Variants in SLC9C1 observed in about 807,000 individuals in gnomAD.
SLC9C1 encodes the protein solute carrier family 9 member C1.
In SLC9C1, 97 loss-of-function variants were observed where a neutral mutation model predicts 140.9. That is an observed-to-expected ratio of 0.69 (90% confidence interval 0.58 to 0.82). The LOEUF (loss-of-function observed/expected upper bound fraction) is 0.82. Ranked by LOEUF, SLC9C1 falls within the 40% of genes least tolerant of loss-of-function variation. The probability of loss-of-function intolerance (pLI) is 0.00; values close to 1 mark genes in which losing one functional copy is unlikely to be tolerated. For synonymous variants in SLC9C1, 440 were observed against 442.6 expected (o/e 0.99, Z 0.07); for missense variants, 1,340 against 1,389.3 (o/e 0.96, Z 0.56).
chr3:112,256,269 A>G (rs2079603457), intron 10 of SLC9C1, among the ~76,000 whole-genome samples: 1 of 152,126 alleles, frequency 6.6e-6, no homozygotes, highest in African/African-American at 2.4e-5. Flanking sequence ...GCAGAGAAAC[A>G]ACAAAAAAGA....
chr3:112,286,172 T>A (rs889925461), intron 2 of SLC9C1, among the ~76,000 whole-genome samples: 1 of 152,134 alleles, frequency 6.6e-6, no homozygotes, highest in Non-Finnish European at 1.5e-5. Context: ...AAAAAGCCCA[T>A]AACAAATATT....
intron 10 of SLC9C1, among the ~76,000 whole-genome samples, chr3:112,245,103 G>A (rs1423771096): frequency 6.6e-6 from 1 of 152,120 alleles, no homozygotes; most frequent in African/African-American, 2.4e-5. Flanking sequence ...ACCAATGAGA[G>A]GCAGCTAGTA....
intron 20 of SLC9C1, among the ~76,000 whole-genome samples, chr3:112,189,061 C>T (rs1279709865): frequency 6.7e-6 from 1 of 148,322 alleles, no homozygotes; most frequent in Non-Finnish European, 1.5e-5. Context: ...CCTTTGCCCA[C>T]TTTTTGATGG....
In SLC9C1 at chr3:112,259,705, A is replaced by G. The variant is rs192211848; in HGVS notation, c.1197+3219T>C. 3.0e-3 allele frequency among the ~76,000 whole-genome samples: 462 copies of G among 152,262 alleles called. 4 individuals carry two copies. Among genetic ancestry groups the G allele is most frequent in the African/African-American group, 0.011 (442 of 41,578 alleles). ...TTATTTCCTGGGTGAAATGATCTGT[A>G]CACCAAACTTCCATGCCATGCAATT... On this transcript the variant is annotated intron_variant, in intron 10 of 28. Coordinates refer to ENST00000305815, the MANE Select transcript of SLC9C1 (RefSeq NM_183061.3).
At chr3:112,277,359 A>G (rs941531086) in intron 5 of SLC9C1, among the ~76,000 whole-genome samples, 6 of 152,196 alleles carry the variant, frequency 3.9e-5, no homozygotes, top group Admixed American at 1.3e-4. Context: ...ATTGGGCAAC[A>G]GAAATGTCAC....
At chr3:112,280,367 C>T (rs754408723) in intron 3 of SLC9C1, among the ~76,000 whole-genome samples, 31 of 152,220 alleles carry the variant, frequency 2.0e-4, no homozygotes, top group Admixed American at 5.9e-4. Flanking sequence ...GCTCCTATGT[C>T]ATTAGCCATT....
At chr3:112,177,633 TA>T (rs2077364035) in intron 23 of SLC9C1, among the ~76,000 whole-genome samples, 1 of 149,026 alleles carries the variant, frequency 6.7e-6, no homozygotes, top group South Asian at 2.2e-4. Flanking sequence ...TCTCATCTCT[TA>T]GTTTTGGGTA....
chr3:112,278,869 C>G lies in SLC9C1; in HGVS notation c.190-12G>C. 1.3e-6 allele frequency: 2 copies of G among 1,595,934 alleles called. No homozygotes were observed. The highest frequency in any genetic ancestry group is 1.7e-6 in the Non-Finnish European group (2 of 1,174,244). On this transcript the variant is annotated splice_polypyrimidine_tract_variant and intron_variant, in intron 3 of 28. Coordinates refer to ENST00000305815, the MANE Select transcript of SLC9C1 (RefSeq NM_183061.3). Reference sequence around the variant, plus strand: ...GCGTATCTTTGGACCTAATATTATACAAATATATCATCTTCTCATTTATTC... The same window carrying G: ...GCGTATCTTTGGACCTAATATTATAGAAATATATCATCTTCTCATTTATTC...
intron 15 of SLC9C1, among the ~76,000 whole-genome samples, chr3:112,213,117 G>A (rs2078255065): frequency 6.6e-6 from 1 of 152,162 alleles, no homozygotes; most frequent in Admixed American, 6.5e-5. Flanking sequence ...AGCTTCATAA[G>A]TGAAGGAGAA....
intron 23 of SLC9C1, 60 bp from the exon 24 acceptor site, chr3:112,169,388 A>G (rs572919256): frequency 3.3e-6 from 5 of 1,521,852 alleles, no homozygotes; most frequent in Admixed American, 4.2e-5. Flanking sequence ...TAAGGAATAA[A>G]GTTTTTTTGT....
chr3:112,189,510 T>G (rs1489097630), intron 20 of SLC9C1, among the ~76,000 whole-genome samples: 3 of 152,240 alleles, frequency 2.0e-5, no homozygotes, highest in Non-Finnish European at 2.9e-5. Context: ...TGCTTGTTTT[T>G]CTCAGGTTTG....
intron 2 of SLC9C1, 93 bp from the exon 3 acceptor site, chr3:112,280,876 T>C: frequency 3.1e-6 from 3 of 960,442 alleles, no homozygotes; most frequent in East Asian, 3.0e-5. Context: ...GAACAATGTC[T>C]TACAGTTTCA....
intron 19 of SLC9C1, 93 bp from the exon 20 acceptor site, chr3:112,199,562 G>A: frequency 1.0e-6 from 1 of 967,970 alleles, no homozygotes; most frequent in Non-Finnish European, 1.4e-6. Flanking sequence ...CTAAACCCAT[G>A]GAATACCGCC....
chr3:112,288,042 CAAAAAAAAAA>C (rs11462109), intron 1 of SLC9C1, among the ~76,000 whole-genome samples: 11 of 81,832 alleles, frequency 1.3e-4, no homozygotes, highest in African/African-American at 5.1e-4. Flanking sequence ...GACTCCGTCT[CAAAAAAAAAA>C]AAAAAAAAAA....
chr3:112,284,936 A>G (rs2080460551), intron 2 of SLC9C1, among the ~76,000 whole-genome samples: 1 of 151,150 alleles, frequency 6.6e-6, no homozygotes, highest in Admixed American at 6.6e-5. Flanking sequence ...TTTATTAAGT[A>G]TACTAAATAA....
chr3:112,159,123 G>C (rs1202340787), intron 26 of SLC9C1, among the ~76,000 whole-genome samples: 1 of 150,932 alleles, frequency 6.6e-6, no homozygotes, highest in African/African-American at 2.4e-5. Flanking sequence ...TTGGGGGTGT[G>C]GGTATTTATT....
At chr3:112,260,310 C>T (rs2079736938) in intron 10 of SLC9C1, among the ~76,000 whole-genome samples, 1 of 151,602 alleles carries the variant, frequency 6.6e-6, no homozygotes, top group Non-Finnish European at 1.5e-5. Context: ...TTTATGGTTT[C>T]AATTCTTCAC....
intron 7 of SLC9C1, among the ~76,000 whole-genome samples, chr3:112,267,634 A>T (rs1234827146): frequency 6.6e-6 from 1 of 151,508 alleles, no homozygotes; most frequent in Non-Finnish European, 1.5e-5. Context: ...AACCAAAAAA[A>T]TTTCTATCAT....
chr3:112,246,788 T>C (rs112532769), intron 10 of SLC9C1, among the ~76,000 whole-genome samples: 77 of 152,318 alleles, frequency 5.1e-4, no homozygotes, highest in African/African-American at 1.8e-3. Context: ...GCAGCATTAA[T>C]GGTGCCATAG....
Sources: allele counts gnomAD v4.1 joint callset (sites outside exome capture counted in the v4.1 genomes callset), GRCh38; gene constraint gnomAD v4.1.1; transcripts MANE v1.5; gene names NCBI Gene and HGNC (gene_info 2026-07-23, HGNC 2026-07-21).